Variants in TPO observed in about 807,000 individuals in gnomAD.
TPO encodes thyroid microsomal antigen.
A neutral mutation model predicts 96.9 loss-of-function variants in TPO; 78 were observed. That is an observed-to-expected ratio of 0.81 (90% CI 0.67 to 0.97). The LOEUF (loss-of-function observed/expected upper bound fraction) is 0.97, where lower values mean the gene tolerates loss of function less well. Among genes scored for constraint, TPO ranks in the 50% least tolerant of loss-of-function variants. TPO has a pLI of 0.00. For missense variants in TPO, 1,252 were observed against 1,274.8 expected, an observed-to-expected ratio of 0.98 and a Z score of 0.27; for synonymous variants, 547 against 538.0, an observed-to-expected ratio of 1.02 and a Z score of -0.23.
chr2:1,433,856 A>G (rs1295316138), intron 4 of TPO, among the ~76,000 whole-genome samples: 1 of 152,230 alleles, frequency 6.6e-6, no homozygotes, highest in Non-Finnish European at 1.5e-5. Flanking sequence ...GAAGTAGCTC[A>G]ATAAGCTAAA....
At chr2:1,462,055 C>T (rs1668496047) in intron 7 of TPO, among the ~76,000 whole-genome samples, 1 of 152,194 alleles carries the variant, frequency 6.6e-6, no homozygotes, top group Non-Finnish European at 1.5e-5. Flanking sequence ...CCGGTCACCC[C>T]AGGTACCGTC....
intron 14 of TPO, among the ~76,000 whole-genome samples, chr2:1,514,132 C>G (rs540921594): frequency 1.3e-5 from 2 of 152,250 alleles, no homozygotes; most frequent in East Asian, 1.9e-4. Context: ...CAGTTCCAGT[C>G]TGAGGGCAGG....
At chr2:1,378,183 C>T (rs1283923091) in intron 1 of TPO, among the ~76,000 whole-genome samples, 1 of 151,866 alleles carries the variant, frequency 6.6e-6, no homozygotes, top group Non-Finnish European at 1.5e-5. Flanking sequence ...TTTTAAATTA[C>T]CCAGTCTCAG....
chr2:1,461,922 G>C (rs1475954079), intron 7 of TPO, among the ~76,000 whole-genome samples: 4 of 152,206 alleles, frequency 2.6e-5, no homozygotes, highest in East Asian at 1.9e-4. Flanking sequence ...AGAGGTTCCG[G>C]GGGGTCCGGG....
chr2:1,521,072 T>C (rs1675205929), intron 15 of TPO, among the ~76,000 whole-genome samples: 1 of 152,234 alleles, frequency 6.6e-6, no homozygotes, highest in African/African-American at 2.4e-5. Flanking sequence ...TTGTCGTTGA[T>C]AAACGGTGCC....
chr2:1,500,679 T>C (rs1469491540), intron 13 of TPO, among the ~76,000 whole-genome samples: 1 of 152,138 alleles, frequency 6.6e-6, no homozygotes, highest in Non-Finnish European at 1.5e-5. Context: ...AAAAACTTGA[T>C]ATTAAGGCCG....
At chr2:1,390,268 G>A (rs942728688) in intron 1 of TPO, among the ~76,000 whole-genome samples, 4 of 152,022 alleles carry the variant, frequency 2.6e-5, no homozygotes, top group Admixed American at 2.6e-4. Context: ...AACATGTGGT[G>A]TTTGGTTTTC....
intron 14 of TPO, among the ~76,000 whole-genome samples, chr2:1,506,153 T>G (rs1392578961): frequency 2.0e-5 from 3 of 152,086 alleles, no homozygotes; most frequent in African/African-American, 7.2e-5. Flanking sequence ...TTTTTGTCCT[T>G]GGGATAGTTT....
rs1553338241 is a variant in TPO, at chr2:1,530,631, C to CGT, written c.2619-9962_2619-9961insTG. On this transcript the variant is annotated intron_variant, in intron 15 of 16. Transcript: ENST00000329066. ...ACTCTGTGCAACCTCCCCAACTCCC[C>CGT]GACTCTCTGCAACCTCCCCAAATCC... 8.7e-5 allele frequency among the ~76,000 whole-genome samples: 5 copies of CGT among 57,154 alleles called. 2 individuals are homozygous for CGT. The highest frequency in any genetic ancestry group is 4.4e-4 in the African/African-American group (5 of 11,424). The allele number at this position is 57,154 out of a possible 152,430, so 37.5% of individuals were successfully genotyped here. A position where few individuals can be genotyped will look rare whatever the true frequency, so the allele number is the denominator to read the frequency against.
intron 5 of TPO, among the ~76,000 whole-genome samples, chr2:1,449,138 A>G (rs1456448724): frequency 1.3e-5 from 2 of 152,204 alleles, no homozygotes; most frequent in Non-Finnish European, 2.9e-5. Context: ...AAAATTCCAT[A>G]TGGGTATTTA....
intron 5 of TPO, among the ~76,000 whole-genome samples, chr2:1,447,114 C>T (rs1435483952): frequency 6.6e-6 from 1 of 152,120 alleles, no homozygotes; most frequent in Non-Finnish European, 1.5e-5. Context: ...CTAATCTGAC[C>T]GTGATGGGGA....
intron 13 of TPO, among the ~76,000 whole-genome samples, chr2:1,501,276 CTCT>C (rs1672847437): frequency 6.6e-6 from 1 of 150,904 alleles, no homozygotes; most frequent in Admixed American, 6.6e-5. Context: ...ACCACGGCCA[CTCT>C]TCTTGAAACT....
intron 15 of TPO, among the ~76,000 whole-genome samples, chr2:1,517,926 CCT>C (rs1674871199): frequency 1.3e-5 from 2 of 150,802 alleles, no homozygotes; most frequent in South Asian, 4.2e-4. Context: ...TTCTGCTCTC[CCT>C]GAGTGCCAGG....
intron 1 of TPO, among the ~76,000 whole-genome samples, chr2:1,376,694 C>A (rs1331778304): frequency 6.6e-6 from 1 of 152,108 alleles, no homozygotes; most frequent in South Asian, 2.1e-4. Flanking sequence ...TGACCGAGCA[C>A]CCTTCACACC....
At chr2:1,521,869 C>G (rs575179499) in intron 15 of TPO, among the ~76,000 whole-genome samples, 1 of 152,154 alleles carries the variant, frequency 6.6e-6, no homozygotes, top group South Asian at 2.1e-4. Context: ...ACAGCAAGGA[C>G]AGCCTCCCAC....
At chr2:1,450,324 C>A (rs1667195818) in intron 5 of TPO, among the ~76,000 whole-genome samples, 1 of 152,180 alleles carries the variant, frequency 6.6e-6, no homozygotes, top group South Asian at 2.1e-4. Context: ...AGAATTTCTT[C>A]TTTTTGGAAT....
chr2:1,489,049 C>A (rs1243327151), intron 10 of TPO, among the ~76,000 whole-genome samples: 2 of 152,036 alleles, frequency 1.3e-5, no homozygotes, highest in Non-Finnish European at 2.9e-5. Flanking sequence ...ATACCCAGCA[C>A]ACACCCGCAC....
intron 1 of TPO, among the ~76,000 whole-genome samples, chr2:1,380,255 G>C (rs192404705): frequency 6.6e-6 from 1 of 151,808 alleles, no homozygotes; most frequent in Admixed American, 6.6e-5. Context: ...TTAGCAGGGC[G>C]TGGTGGCGGG....
At position 1,533,234 on chromosome 2, in the gene TPO, C is replaced by A. The variant is rs1197890062; in HGVS notation, c.2619-7360C>A. 5.7e-5 allele frequency among the ~76,000 whole-genome samples: 4 copies of A among 70,530 alleles called. No individual in the cohort carries two copies. The East Asian group carries it at 2.1e-3, about 38-fold the overall frequency. The allele number at this position is 70,530 out of a possible 152,430, so 46.3% of individuals were successfully genotyped here. On this transcript the variant is annotated intron_variant, in intron 15 of 16. Coordinates refer to ENST00000329066, the MANE Select transcript of TPO (RefSeq NM_001206744.2). The stretch of plus-strand genomic sequence containing the variant: ...CCCCATATCCCCCCACTGTGAGCAA[C>A]CTCCCCAAATCCCCCACACTATGTG...
Sources: allele counts gnomAD v4.1 joint callset (sites outside exome capture counted in the v4.1 genomes callset), GRCh38; gene constraint gnomAD v4.1.1; transcripts MANE v1.5; gene names NCBI Gene and HGNC (gene_info 2026-07-23, HGNC 2026-07-21).